AGBL4: variants seen among roughly 807,000 people sequenced by gnomAD.
The protein encoded by AGBL4 is cytosolic carboxypeptidase 6.
AGBL4 carries 58 observed loss-of-function variants against 66.4 expected under a neutral mutation model. That is an observed-to-expected ratio of 0.87 (90% CI 0.71 to 1.09). The LOEUF (loss-of-function observed/expected upper bound fraction) is 1.09, where lower values mean the gene tolerates loss of function less well. Among genes scored for constraint, AGBL4 ranks in the 50% least tolerant of loss-of-function variants. The probability of loss-of-function intolerance (pLI) is 0.00; values close to 1 mark genes in which losing one functional copy is unlikely to be tolerated. For synonymous variants in AGBL4, 234 were observed against 222.9 expected (o/e 1.05, Z -0.44); for missense variants, 579 against 631.0 (o/e 0.92, Z 0.88).
intron 1 of AGBL4, among the ~76,000 whole-genome samples, chr1:49,915,419 G>A (rs540472054): frequency 3.9e-5 from 6 of 152,250 alleles, no homozygotes; most frequent in Admixed American, 1.3e-4. Flanking sequence ...CTTAACAAAC[G>A]GCACACCAAG....
chr1:48,787,731 A>G (rs1317565716), intron 6 of AGBL4, among the ~76,000 whole-genome samples: 7 of 152,226 alleles, frequency 4.6e-5, no homozygotes, highest in Non-Finnish European at 8.8e-5. Context: ...AATGGCAAGA[A>G]TAGAGGAAAA....
chr1:49,164,531 T>C (rs1163835505), intron 4 of AGBL4, among the ~76,000 whole-genome samples: 1 of 152,132 alleles, frequency 6.6e-6, no homozygotes, highest in South Asian at 2.1e-4. Context: ...CAAAGGCATA[T>C]GAAAAAGAGA....
intron 5 of AGBL4, among the ~76,000 whole-genome samples, chr1:48,946,379 T>C (rs566087158): frequency 6.6e-6 from 1 of 152,306 alleles, no homozygotes; most frequent in African/African-American, 2.4e-5. Context: ...ACAGGAGATA[T>C]TCACATTACT....
At chr1:48,793,765 CTCT>C (rs1645606029) in intron 6 of AGBL4, among the ~76,000 whole-genome samples, 1 of 152,076 alleles carries the variant, frequency 6.6e-6, no homozygotes, top group Admixed American at 6.5e-5. Flanking sequence ...ACATTATTAT[CTCT>C]AAGCACACTC....
At chr1:49,149,355 C>T (rs572597127) in intron 4 of AGBL4, among the ~76,000 whole-genome samples, 2 of 152,196 alleles carry the variant, frequency 1.3e-5, no homozygotes, top group South Asian at 2.1e-4. Context: ...ATGAGGTGTG[C>T]CATTTGAGAA....
intron 3 of AGBL4, among the ~76,000 whole-genome samples, chr1:49,573,503 G>C (rs544275438): frequency 1.3e-5 from 2 of 152,268 alleles, no homozygotes; most frequent in Admixed American, 1.3e-4. Context: ...CATATGTGGA[G>C]AACCAAGGAA....
At chr1:48,876,524 G>A (rs12032462) in intron 5 of AGBL4, among the ~76,000 whole-genome samples, 11,428 of 152,140 alleles carry the variant, frequency 0.075, 596 homozygotes, top group Non-Finnish European at 0.11. Flanking sequence ...AGAAGAGACT[G>A]GTATTTCAAG....
At chr1:49,344,046 T>G (rs1244194991) in intron 3 of AGBL4, among the ~76,000 whole-genome samples, 1 of 152,188 alleles carries the variant, frequency 6.6e-6, no homozygotes, top group East Asian at 1.9e-4. Context: ...AGCCATTAGA[T>G]TCCAGGTAAA....
At chr1:48,646,930 C>T (rs1272166044) in intron 8 of AGBL4, among the ~76,000 whole-genome samples, 1 of 152,164 alleles carries the variant, frequency 6.6e-6, no homozygotes, top group African/African-American at 2.4e-5. Flanking sequence ...CCTCTTGTAT[C>T]TCTCAGCCTC....
chr1:49,371,320 G>A (rs1268190696), intron 3 of AGBL4, among the ~76,000 whole-genome samples: 3 of 151,884 alleles, frequency 2.0e-5, no homozygotes, highest in African/African-American at 4.8e-5. Context: ...TGTTTCTCTG[G>A]AGAATCCTGG....
chr1:49,573,080 T>C (rs1644363546), intron 3 of AGBL4, among the ~76,000 whole-genome samples: 2 of 151,920 alleles, frequency 1.3e-5, no homozygotes, highest in Admixed American at 1.3e-4. Flanking sequence ...TATGGGACCT[T>C]GTGATGGTGT....
At chr1:49,024,973 C>G (rs1232858866) in intron 5 of AGBL4, among the ~76,000 whole-genome samples, 1 of 152,106 alleles carries the variant, frequency 6.6e-6, no homozygotes, top group African/African-American at 2.4e-5. Flanking sequence ...GGGGGTTTCT[C>G]TGGATATCTA....
chr1:49,888,641 A>G (rs1455925224), intron 1 of AGBL4, among the ~76,000 whole-genome samples: 1 of 152,234 alleles, frequency 6.6e-6, no homozygotes, highest in Admixed American at 6.5e-5. Flanking sequence ...GACTTGCACT[A>G]TTAGATTGGA....
intron 2 of AGBL4, chr1:49,841,821 C>T (rs150591880): frequency 1.0e-4 from 38 of 377,258 alleles, no homozygotes; most frequent in African/African-American, 5.2e-4. Flanking sequence ...AAAATCCCAC[C>T]GGCACCACGG....
intron 4 of AGBL4, among the ~76,000 whole-genome samples, chr1:49,242,629 T>C (rs926060224): frequency 1.3e-5 from 2 of 151,950 alleles, no homozygotes; most frequent in South Asian, 4.1e-4. Context: ...TGTTAAGAAA[T>C]ATTAATGAGT....
intron 1 of AGBL4, among the ~76,000 whole-genome samples, chr1:49,968,655 T>A (rs1347679850): frequency 6.6e-6 from 1 of 152,194 alleles, no homozygotes; most frequent in Admixed American, 6.5e-5. Flanking sequence ...CCCATTAATG[T>A]AAACAGAAGT....
chr1:49,730,683 G>A (rs993097402), intron 2 of AGBL4, among the ~76,000 whole-genome samples: 7 of 152,108 alleles, frequency 4.6e-5, no homozygotes, highest in Admixed American at 1.3e-4. Flanking sequence ...AGCCCTGGGC[G>A]AAGCACAGAG....
intron 4 of AGBL4, among the ~76,000 whole-genome samples, chr1:49,184,374 G>A (rs1177590393): frequency 6.6e-6 from 1 of 152,150 alleles, no homozygotes; most frequent in East Asian, 1.9e-4. Context: ...GCAAGAATGT[G>A]GGGAAAAGCA....
intron 2 of AGBL4, among the ~76,000 whole-genome samples, chr1:49,722,847 GA>G (rs1648715954): frequency 6.6e-6 from 1 of 152,006 alleles, no homozygotes; most frequent in African/African-American, 2.4e-5. Context: ...AACTGAGAAA[GA>G]AAAAATTTTT....
Sources: allele counts gnomAD v4.1 joint callset (sites outside exome capture counted in the v4.1 genomes callset), GRCh38; gene constraint gnomAD v4.1.1; transcripts MANE v1.5; gene names NCBI Gene and HGNC (gene_info 2026-07-23, HGNC 2026-07-21).